PXDC1: variants seen among roughly 807,000 people sequenced by gnomAD.
PXDC1 encodes PX domain-containing protein 1.
PXDC1 carries 13 observed loss-of-function variants against 24.4 expected under a neutral mutation model. The observed-to-expected ratio is 0.53, with a 90% confidence interval of 0.35 to 0.85. PXDC1 has a LOEUF of 0.85. Among genes scored for constraint, PXDC1 ranks in the 40% least tolerant of loss-of-function variants. The pLI is 0.01. For synonymous variants in PXDC1, 162 were observed against 124.9 expected (o/e 1.30, Z -1.98); for missense variants, 344 against 309.3 (o/e 1.11, Z -0.84).
intron 1 of PXDC1, chr6:3,738,934 C>T: frequency 7.7e-7 from 1 of 1,301,800 alleles, no homozygotes; most frequent in Non-Finnish European, 1.0e-6. Flanking sequence ...TGGCGTCTCC[C>T]CCACACTTGT....
At chr6:3,741,895 T>G (rs1760456507) in intron 1 of PXDC1, among the ~76,000 whole-genome samples, 1 of 150,908 alleles carries the variant, frequency 6.6e-6, no homozygotes, top group African/African-American at 2.4e-5. Context: ...ATGGGTGTAT[T>G]TAATGTGGAA....
chr6:3,750,992 G>C (rs914250249), intron 1 of PXDC1: 4 of 397,962 alleles, frequency 1.0e-5, no homozygotes, highest in African/African-American at 6.4e-5. Context: ...GAAGTGACTC[G>C]TCCTCAGGGA....
At position 3,751,448 on chromosome 6, in the gene PXDC1, G is replaced by T; in HGVS notation, c.84C>A (p.Ile28=). 1 of 1,600,020 alleles carries T rather than the reference G, an allele frequency of 6.2e-7. No homozygotes were observed. The highest frequency in any genetic ancestry group is 8.5e-7 in the Non-Finnish European group (1 of 1,174,534). Reference sequence around the variant, plus strand: ...CCTCTTCGTCGCCGCGCCGGCTGACGATGAGCCTGCGGATGCCGTTCACCC... The same window carrying T: ...CCTCTTCGTCGCCGCGCCGGCTGACTATGAGCCTGCGGATGCCGTTCACCC... ...GCWVNGIRRL[I]VSRRGDEEEF... is the part of the protein sequence containing the mutation. The change falls in exon 1 of 5, where the codon ATC becomes ATA. Residue 28 remains isoleucine (I), a synonymous_variant. Transcript: ENST00000380283.
intron 3 of PXDC1, among the ~76,000 whole-genome samples, chr6:3,731,206 A>C (rs1436720537): frequency 6.6e-6 from 1 of 152,232 alleles, no homozygotes; most frequent in Non-Finnish European, 1.5e-5. Context: ...CTAAATAATC[A>C]GATTTTGTGG....
chr6:3,724,420 G>C lies in PXDC1; in HGVS notation c.579-684C>G, dbSNP rs1025424012. On this transcript the variant is annotated intron_variant, in intron 4 of 4. Transcript: ENST00000380283. This position sits in a 1 kb window ranked among gnomAD's most constrained non-coding sequence, Gnocchi z 4.5. ...TACTGACTCCCCACACACTGGAACT[G>C]TTTCTACTCCCTCTGCAGCCCAGGC... Among the ~76,000 whole-genome samples, 4 of 152,180 alleles carry C rather than the reference G, an allele frequency of 2.6e-5. No homozygotes were observed. In the East Asian group the frequency reaches 7.7e-4, roughly 29 times the overall value.
intron 4 of PXDC1, among the ~76,000 whole-genome samples, chr6:3,726,508 G>A (rs528323186): frequency 6.6e-6 from 1 of 152,330 alleles, no homozygotes; most frequent in East Asian, 1.9e-4. Flanking sequence ...GTAAAGACGG[G>A]GTCTGTTAGC....
At position 3,723,522 on chromosome 6, in the gene PXDC1, G is replaced by GCA; in HGVS notation, c.*96_*97insTG. ...GGGCCTGGGACGTCTGGGAGTTCCA[G>GCA]AGCTGGGGCAGCAGCTGTGACCATG... is the stretch of plus-strand genomic sequence containing the variant. On this transcript the variant is annotated 3_prime_UTR_variant, in exon 5 of 5. Transcript: ENST00000380283. The GCA allele has an allele frequency of 1.0e-6, 1 of 953,614 alleles. No homozygotes were observed. Among genetic ancestry groups the GCA allele is most frequent in the Non-Finnish European group, 1.7e-6 (1 of 597,332 alleles). The allele number at this position is 953,614 out of a possible 1,614,324, so 59.1% of individuals were successfully genotyped here. A position where few individuals can be genotyped will look rare whatever the true frequency, so the allele number is the denominator to read the frequency against.
Position 3,723,234 on chromosome 6 carries a change from G to A in PXDC1, c.*385C>T, listed in dbSNP as rs1414098244. 1 of 198,526 alleles carries A rather than the reference G, an allele frequency of 5.0e-6. No individual in the cohort carries two copies. Among genetic ancestry groups the A allele is most frequent in the Non-Finnish European group, 1.0e-5 (1 of 98,574 alleles). 12.3% of individuals were successfully genotyped at this position (198,526 alleles called of 1,614,324 possible). A position where few individuals can be genotyped will look rare whatever the true frequency, so the allele number is the denominator to read the frequency against. ...GGAGGGAATGGTGGGGAGTCAGGGT[G>A]GCTGGGGGGCACTAGGCCACTTCAC... On this transcript the variant is annotated 3_prime_UTR_variant, in exon 5 of 5. Transcript: ENST00000380283.
chr6:3,750,575 G>C (rs1451279848), intron 1 of PXDC1, among the ~76,000 whole-genome samples: 1 of 152,220 alleles, frequency 6.6e-6, no homozygotes, highest in Non-Finnish European at 1.5e-5. Flanking sequence ...GGTAGGAAAA[G>C]GGAAGCCACC....
chr6:3,733,277 G>A (rs978881946), intron 3 of PXDC1, among the ~76,000 whole-genome samples: 1 of 152,184 alleles, frequency 6.6e-6, no homozygotes, highest in Non-Finnish European at 1.5e-5. Flanking sequence ...CCTCAGCCTG[G>A]GGAGCCACAG....
rs769463335 is a variant in PXDC1 at position 3,737,084 on chromosome 6, A to G, written c.461T>C (p.Ile154Thr). The G allele has an allele frequency of 1.3e-6, 2 of 1,597,402 alleles. No individual in the cohort carries two copies. The highest frequency in any genetic ancestry group is 8.6e-7 in the Non-Finnish European group (1 of 1,164,772). The change falls in exon 3 of 5, where the codon ATA becomes ACA. Residue 154 changes from isoleucine to threonine, a missense_variant. Coordinates refer to ENST00000380283, the MANE Select transcript of PXDC1 (RefSeq NM_183373.4). The surrounding 1 kb of genome is among the most constrained non-coding windows in gnomAD (Gnocchi z 5.5). ...GCCTCCTTTGTGGCTCTTACCTGAT[A>G]TTTTGACTGGACTTTGAAAGCTGGG... ...IQPSFQSPVK[I>T]SEIMRSNGFC... is the part of the protein sequence containing the mutation.
chr6:3,727,512 G>A, intron 4 of PXDC1, 39 bp downstream of exon 4: 1 of 1,448,546 alleles, frequency 6.9e-7, no homozygotes, highest in Admixed American at 1.7e-5. Context: ...AAATGGCTCA[G>A]GACAGTCTAT....
In PXDC1 at chr6:3,737,120, T is replaced by G. The variant is rs561997963; in HGVS notation, c.425A>C (p.His142Pro). 4 of 1,613,790 alleles carry G rather than the reference T, an allele frequency of 2.5e-6. No individual in the cohort carries two copies. The highest frequency in any genetic ancestry group is 2.5e-6 in the Non-Finnish European group (3 of 1,179,628). Residue 142 changes from histidine to proline, a missense_variant, in exon 3 of 5, where the codon CAT becomes CCT. His to Pro is a moderately conservative substitution (Grantham distance 77). Transcript: ENST00000380283. The surrounding 1 kb of genome is among the most constrained non-coding windows in gnomAD (Gnocchi z 5.5). ...ACTTTGAAAGCTGGGTTGAATTTTA[T>G]GCACATTATCATTTTTTAACACCTG... ...LDQVLKNDNV[H>P]KIQPSFQSPV...
Position 3,751,287 on chromosome 6 carries a change from G to C in PXDC1, c.245C>G (p.Pro82Arg). The change falls in exon 1 of 5, where the codon CCG becomes CGG. Residue 82 changes from proline (P) to arginine (R), a missense_variant. Coordinates refer to ENST00000380283, the MANE Select transcript of PXDC1 (RefSeq NM_183373.4). Reference sequence around the variant, plus strand: ...CCCCGGCCCCGCACCTTGCCGCAGCGGCCCCTGCGCCAGTTCGGACCGGTC... The same window carrying C: ...CCCCGGCCCCGCACCTTGCCGCAGCCGCCCCTGCGCCAGTTCGGACCGGTC... ...PEDRSELAQGPLRQGLVAIKE... is the reference protein window; with the variant it reads ...PEDRSELAQGRLRQGLVAIKE... 1 of 1,521,082 alleles carries C rather than the reference G, an allele frequency of 6.6e-7. No homozygotes were observed. Among genetic ancestry groups the C allele is most frequent in the Non-Finnish European group, 8.8e-7 (1 of 1,138,788 alleles). The allele number at this position is 1,521,082 out of a possible 1,614,324, so 94.2% of individuals were successfully genotyped here. A position where few individuals can be genotyped will look rare whatever the true frequency, so the allele number is the denominator to read the frequency against.
In PXDC1 at chr6:3,723,720, C is replaced by T; in HGVS notation, c.595G>A (p.Glu199Lys). ...PTEHLFENGS[E>K]FPSELEDGDD... ...CCGTCCTCCAGCTCTGAGGGAAACT[C>T]ACTGCCATTCTCAAATCTGAAATTA... is the stretch of plus-strand genomic sequence containing the variant. Residue 199 changes from glutamate (E) to lysine (K), a missense_variant, in exon 5 of 5, where the codon GAG (glutamate) becomes AAG (lysine). Physicochemically the swap from Glu to Lys is moderately conservative, Grantham distance 56 (BLOSUM62 1). Coordinates refer to ENST00000380283, the MANE Select transcript of PXDC1 (RefSeq NM_183373.4). 6.2e-7 allele frequency: 1 copy of T among 1,614,120 alleles called. No homozygotes were observed. Among genetic ancestry groups the T allele is most frequent in the Non-Finnish European group, 8.5e-7 (1 of 1,179,970 alleles).
intron 1 of PXDC1, among the ~76,000 whole-genome samples, chr6:3,750,528 C>G (rs999045689): frequency 1.3e-5 from 2 of 152,204 alleles, no homozygotes; most frequent in African/African-American, 4.8e-5. Flanking sequence ...GCTTCCACCC[C>G]CTCAGCCTGG....
At chr6:3,746,574 G>T (rs1760575898) in intron 1 of PXDC1, among the ~76,000 whole-genome samples, 2 of 152,094 alleles carry the variant, frequency 1.3e-5, no homozygotes, top group Non-Finnish European at 2.9e-5. Flanking sequence ...CTGCACGGGG[G>T]TGGAGCTATG....
At position 3,723,524 on chromosome 6, in the gene PXDC1, GC is replaced by G; in HGVS notation, c.*94del. On this transcript the variant is annotated 3_prime_UTR_variant, in exon 5 of 5. Transcript: ENST00000380283. ...GCCTGGGACGTCTGGGAGTTCCAGA[GC>G]TGGGGCAGCAGCTGTGACCATGGGG... 1 of 963,188 alleles carries G rather than the reference GC, an allele frequency of 1.0e-6. No homozygotes were observed. Among genetic ancestry groups the G allele is most frequent in the Non-Finnish European group, 1.7e-6 (1 of 605,058 alleles). 59.7% of individuals were successfully genotyped at this position (963,188 alleles called of 1,614,324 possible).
Position 3,725,312 on chromosome 6 carries a change from T to C in PXDC1, c.579-1576A>G, listed in dbSNP as rs1760038239. ...CGGGATGCTCAGGGAAAATGAGTCA[T>C]GGGGCTAAGGCTCCCTGAGGTCCCC... On this transcript the variant is annotated intron_variant, in intron 4 of 4. Coordinates refer to ENST00000380283, the MANE Select transcript of PXDC1 (RefSeq NM_183373.4). This position sits in a 1 kb window ranked among gnomAD's most constrained non-coding sequence, Gnocchi z 4.8. Among the ~76,000 whole-genome samples, 1 of 152,096 alleles carries C rather than the reference T, an allele frequency of 6.6e-6. No homozygotes were observed. The highest frequency in any genetic ancestry group is 2.4e-5 in the African/African-American group (1 of 41,430).
Sources: gnomAD v4.1 joint callset for allele counts (sites outside exome capture counted in the v4.1 genomes callset) on GRCh38, gnomAD v4.1.1 for gene constraint, Gnocchi (gnomAD v3.1) non-coding constraint, MANE v1.5 for transcripts, NCBI Gene and HGNC (gene_info 2026-07-23, HGNC 2026-07-21) for gene names.